The following LRRC37A2 variants were observed in gnomAD, a reference collection of about 807,000 sequenced individuals.
LRRC37A2 encodes leucine rich repeat containing 37 member A2.
Under a neutral mutation model 68.8 loss-of-function variants are expected in LRRC37A2, and 9 were observed. The ratio of observed to expected loss-of-function variants is 0.13; its 90% CI spans 0.08 to 0.23. The LOEUF (loss-of-function observed/expected upper bound fraction) is 0.23, where lower values mean the gene tolerates loss of function less well. Ranked by LOEUF, LRRC37A2 falls within the 10% of genes least tolerant of loss-of-function variation. LRRC37A2 has a pLI of 1.00. For missense variants in LRRC37A2, 168 were observed against 950.4 expected (o/e 0.18, Z 10.82); for synonymous variants, 63 against 367.6 (o/e 0.17, Z 9.48).
chr17:46,781,223 C>A, the LRRC37A2 span, among the ~76,000 whole-genome samples: 31 of 72,656 alleles, frequency 4.3e-4, no homozygotes, highest in Non-Finnish European at 6.1e-4. Flanking sequence ...AAGACTCTGT[C>A]CCCCCAACCA....
At chr17:46,733,999 C>G in the LRRC37A2 span, among the ~76,000 whole-genome samples, 6 of 151,838 alleles carry the variant, frequency 4.0e-5, no homozygotes, top group Admixed American at 3.9e-4. Context: ...AGGATGGGGA[C>G]TTGGGTAGAC....
At chr17:47,011,489 G>T in the LRRC37A2 span, among the ~76,000 whole-genome samples, 5 of 151,442 alleles carry the variant, frequency 3.3e-5, no homozygotes, top group Admixed American at 3.3e-4. Flanking sequence ...GTGGTGGAGG[G>T]TGAAGTGAGC....
chr17:46,828,659 G>T, the LRRC37A2 span, among the ~76,000 whole-genome samples: 3 of 152,086 alleles, frequency 2.0e-5, no homozygotes, highest in African/African-American at 4.8e-5. Flanking sequence ...GATGCATCCA[G>T]AATGTAGTTC....
chr17:46,965,913 G>T, the LRRC37A2 span, among the ~76,000 whole-genome samples: 2 of 151,634 alleles, frequency 1.3e-5, no homozygotes, highest in African/African-American at 2.4e-5. Context: ...TTACAGACGT[G>T]AGCCACTGTG....
the LRRC37A2 span, among the ~76,000 whole-genome samples, chr17:46,970,552 A>C: frequency 1.3e-5 from 2 of 151,670 alleles, no homozygotes; most frequent in Non-Finnish European, 2.9e-5. Flanking sequence ...AAAAAAAAAA[A>C]AAAAAAAACT....
the LRRC37A2 span, among the ~76,000 whole-genome samples, chr17:46,728,118 A>G: frequency 6.6e-6 from 1 of 152,150 alleles, no homozygotes; most frequent in Non-Finnish European, 1.5e-5. Context: ...GCAGAGGTGC[A>G]TATGCAGTAT....
chr17:46,722,143 C>T, the LRRC37A2 span: 1 of 1,611,860 alleles, frequency 6.2e-7, no homozygotes, highest in South Asian at 1.1e-5. Flanking sequence ...TTGGGCTTCA[C>T]GATCTTGGCG....
At chr17:46,993,073 A>AT in the LRRC37A2 span, among the ~76,000 whole-genome samples, 27,484 of 148,520 alleles carry the variant, frequency 0.19, 3,520 homozygotes, top group East Asian at 0.59. Flanking sequence ...AGAGATTTTG[A>AT]TTTTTTTTTT....
the LRRC37A2 span, among the ~76,000 whole-genome samples, chr17:46,843,861 A>G: frequency 6.6e-6 from 1 of 152,250 alleles, no homozygotes; most frequent in Non-Finnish European, 1.5e-5. Flanking sequence ...CCTCAAGGAC[A>G]AGAACTGACT....
At chr17:46,759,133 G>C in the LRRC37A2 span, among the ~76,000 whole-genome samples, 1 of 152,200 alleles carries the variant, frequency 6.6e-6, no homozygotes, top group South Asian at 2.1e-4. Flanking sequence ...GAACCTGGGA[G>C]GCAGAGGTTG....
intron 7 of LRRC37A2, 42 bp downstream of exon 6, chr17:46,540,289 GCT>G (rs2055082232): frequency 6.8e-6 from 8 of 1,170,220 alleles, no homozygotes; most frequent in Admixed American, 3.0e-5. Flanking sequence ...GATGATTTAT[GCT>G]TTTTAAATTT....
the LRRC37A2 span, among the ~76,000 whole-genome samples, chr17:46,951,397 C>G: frequency 6.6e-6 from 1 of 152,192 alleles, no homozygotes; most frequent in Non-Finnish European, 1.5e-5. Context: ...AGATTCCCAC[C>G]CCAGCTTTCT....
chr17:46,810,221 AG>A, the LRRC37A2 span, among the ~76,000 whole-genome samples: 320 of 151,970 alleles, frequency 2.1e-3, 4 homozygotes, highest in Non-Finnish European at 1.6e-3. Context: ...TTGGCCAAGC[AG>A]GCCTCAAACT....
At chr17:46,782,659 G>A in the LRRC37A2 span, among the ~76,000 whole-genome samples, 3 of 152,216 alleles carry the variant, frequency 2.0e-5, no homozygotes, top group Non-Finnish European at 4.4e-5. Context: ...TGTGCACACC[G>A]TGGGGCTGGG....
chr17:46,790,020 T>C, the LRRC37A2 span, among the ~76,000 whole-genome samples: 2 of 151,834 alleles, frequency 1.3e-5, no homozygotes, highest in African/African-American at 4.8e-5. Context: ...CTTCCCCCAC[T>C]CTATTTAGGG....
the LRRC37A2 span, among the ~76,000 whole-genome samples, chr17:46,498,724 TA>T: frequency 6.9e-6 from 1 of 144,660 alleles, no homozygotes; most frequent in African/African-American, 2.8e-5. Context: ...ATACCAGTGG[TA>T]ATACTAGAAC....
chr17:46,998,663 T>A, the LRRC37A2 span: 1 of 152,096 alleles, frequency 6.6e-6, no homozygotes, highest in Non-Finnish European at 1.5e-5. Flanking sequence ...CTGGAGGACT[T>A]CCCCCCACAA....
chr17:46,785,877 G>T, the LRRC37A2 span, among the ~76,000 whole-genome samples: 1 of 152,220 alleles, frequency 6.6e-6, no homozygotes, highest in Non-Finnish European at 1.5e-5. Context: ...GGGCGGGGCA[G>T]TGCCTGGGCT....
the LRRC37A2 span, among the ~76,000 whole-genome samples, chr17:46,834,925 T>A: frequency 2.6e-5 from 4 of 152,146 alleles, no homozygotes; most frequent in African/African-American, 9.7e-5. Context: ...CCTGTCAGTG[T>A]TCCTCCCCCA....
Sources: allele counts gnomAD v4.1 joint callset (sites outside exome capture counted in the v4.1 genomes callset), GRCh38; gene constraint gnomAD v4.1.1; transcripts MANE v1.5; gene names NCBI Gene and HGNC (gene_info 2026-07-23, HGNC 2026-07-21).